The following NRXN1 variants were observed in gnomAD, a reference collection of about 807,000 sequenced individuals.
NRXN1 encodes the protein neurexin-1.
NRXN1 carries 39 observed loss-of-function variants against 150.9 expected under a neutral mutation model. The observed-to-expected ratio is 0.26, with a 90% confidence interval of 0.20 to 0.34. NRXN1 has a LOEUF of 0.34. Among genes scored for constraint, NRXN1 ranks in the 10% least tolerant of loss-of-function variants. NRXN1 has a pLI of 1.00. For synonymous variants in NRXN1, 924 were observed against 757.0 expected (o/e 1.22, Z -3.62); for missense variants, 1,815 against 1,949.9 (o/e 0.93, Z 1.30).
chr2:50,817,103 T>C (rs1254836534), intron 5 of NRXN1, among the ~76,000 whole-genome samples: 1 of 152,060 alleles, frequency 6.6e-6, no homozygotes, highest in Admixed American at 6.6e-5. Context: ...ATTTAGTTTC[T>C]ACCAATGACA....
At chr2:50,702,414 G>C (rs1180440117) in intron 5 of NRXN1, among the ~76,000 whole-genome samples, 1 of 151,298 alleles carries the variant, frequency 6.6e-6, no homozygotes, top group Non-Finnish European at 1.5e-5. Context: ...ACACAGAAGA[G>C]AAAGCATATC....
chr2:50,015,517 A>C (rs1221987827), intron 21 of NRXN1, among the ~76,000 whole-genome samples: 3 of 48,462 alleles, frequency 6.2e-5, no homozygotes, highest in Non-Finnish European at 1.1e-4. Context: ...GATTTCTGCC[A>C]AAAAAAAAAA....
intron 17 of NRXN1, among the ~76,000 whole-genome samples, chr2:50,381,522 AACACACACACAC>A (rs59726557): frequency 0.019 from 2,415 of 128,588 alleles, 53 homozygotes; most frequent in African/African-American, 0.055. Flanking sequence ...CAGGCTTTTA[AACACACACACAC>A]ACACACACAC....
chr2:51,007,963 AAAAT>A (rs539196525), intron 2 of NRXN1, among the ~76,000 whole-genome samples: 34 of 152,076 alleles, frequency 2.2e-4, no homozygotes, highest in South Asian at 1.7e-3. Context: ...GAATAGAAGG[AAAAT>A]AAATAAACGA....
At chr2:50,504,794 A>C (rs1435879615) in intron 13 of NRXN1, among the ~76,000 whole-genome samples, 3 of 152,230 alleles carry the variant, frequency 2.0e-5, no homozygotes, top group African/African-American at 7.2e-5. Context: ...CCATCAAGTC[A>C]TTGGCCTCAA....
intron 17 of NRXN1, among the ~76,000 whole-genome samples, chr2:50,242,854 A>C (rs968790395): frequency 6.6e-6 from 1 of 151,740 alleles, no homozygotes; most frequent in Non-Finnish European, 1.5e-5. Context: ...CACATCTTTG[A>C]GAAAGAGAAT....
intron 17 of NRXN1, among the ~76,000 whole-genome samples, chr2:50,428,456 C>T (rs548737943): frequency 2.4e-4 from 37 of 152,298 alleles, no homozygotes; most frequent in African/African-American, 8.4e-4. Context: ...ATATGGTACA[C>T]ATTTTCATTG....
At chr2:50,163,751 C>G (rs2059507851) in intron 18 of NRXN1, among the ~76,000 whole-genome samples, 1 of 152,250 alleles carries the variant, frequency 6.6e-6, no homozygotes, top group East Asian at 1.9e-4. Flanking sequence ...TTAACATATA[C>G]ACGTTTTGAT....
chr2:49,950,128 T>G (rs1320936431), intron 21 of NRXN1, among the ~76,000 whole-genome samples: 1 of 151,912 alleles, frequency 6.6e-6, no homozygotes, highest in Admixed American at 6.6e-5. Context: ...AAGGAAAAAC[T>G]GCAGAAAATA....
intron 18 of NRXN1, among the ~76,000 whole-genome samples, chr2:50,168,470 G>C (rs2059819492): frequency 6.6e-6 from 1 of 152,166 alleles, no homozygotes; most frequent in South Asian, 2.1e-4. Context: ...TAAATGTAGA[G>C]AGAAGAGTGG....
chr2:50,953,680 G>A (rs751154489), intron 2 of NRXN1, among the ~76,000 whole-genome samples: 6 of 151,050 alleles, frequency 4.0e-5, no homozygotes, highest in Admixed American at 6.6e-5. Context: ...CTCCTGCCTC[G>A]GCCTCCCAAT....
At chr2:50,405,622 A>C (rs1267520323) in intron 17 of NRXN1, among the ~76,000 whole-genome samples, 1 of 152,142 alleles carries the variant, frequency 6.6e-6, no homozygotes, top group Non-Finnish European at 1.5e-5. Context: ...TCCTTTATGC[A>C]TCCTTTCTTC....
intron 21 of NRXN1, among the ~76,000 whole-genome samples, chr2:50,019,947 CA>C (rs1161865745): frequency 5.3e-4 from 23 of 43,356 alleles, no homozygotes; most frequent in South Asian, 1.6e-3. Context: ...GACTCCGTCT[CA>C]AAAAAAAAAA....
chr2:50,956,213 T>C (rs1352469460), intron 2 of NRXN1, among the ~76,000 whole-genome samples: 1 of 152,126 alleles, frequency 6.6e-6, no homozygotes, highest in Non-Finnish European at 1.5e-5. Flanking sequence ...TTGTTATAAT[T>C]GGTCTGTTTT....
intron 5 of NRXN1, among the ~76,000 whole-genome samples, chr2:50,685,216 C>A (rs2104830683): frequency 6.6e-6 from 1 of 152,268 alleles, no homozygotes; most frequent in South Asian, 2.1e-4. Flanking sequence ...TCTCTTTGAT[C>A]CGCCTGTTTT....
chr2:50,400,450 A>G (rs541263661), intron 17 of NRXN1, among the ~76,000 whole-genome samples: 1 of 152,246 alleles, frequency 6.6e-6, no homozygotes, highest in African/African-American at 2.4e-5. Context: ...ATAAAGTGGG[A>G]ACATGATTAA....
At chr2:50,779,044 C>CT (rs1704012380) in intron 5 of NRXN1, among the ~76,000 whole-genome samples, 1 of 152,026 alleles carries the variant, frequency 6.6e-6, no homozygotes, top group Non-Finnish European at 1.5e-5. Context: ...TTTAATTATA[C>CT]TTTAAGTTCT....
intron 8 of NRXN1, among the ~76,000 whole-genome samples, chr2:50,583,241 T>G (rs1463822132): frequency 6.6e-6 from 1 of 152,048 alleles, no homozygotes. Flanking sequence ...AAGTTCTCAC[T>G]ATGTTGCCTA....
chr2:50,680,905 G>A (rs991453960), intron 5 of NRXN1, among the ~76,000 whole-genome samples: 3 of 152,084 alleles, frequency 2.0e-5, no homozygotes, highest in African/African-American at 7.2e-5. Flanking sequence ...ATTGAGACCT[G>A]CCTTAAGATG....
Sources: gnomAD v4.1 joint callset for allele counts (sites outside exome capture counted in the v4.1 genomes callset) on GRCh38, gnomAD v4.1.1 for gene constraint, MANE v1.5 for transcripts, NCBI Gene and HGNC (gene_info 2026-07-23, HGNC 2026-07-21) for gene names.